The following LRP1B variants were observed in gnomAD, a reference collection of about 807,000 sequenced individuals.
LRP1B encodes LDL receptor related protein 1B.
A neutral mutation model predicts 556.6 loss-of-function variants in LRP1B; 217 were observed. That is an observed-to-expected ratio of 0.39 (90% confidence interval 0.35 to 0.44). The LOEUF is 0.44. Ranked by LOEUF, LRP1B falls within the 20% of genes least tolerant of loss-of-function variation. The pLI is 1.00. For synonymous variants in LRP1B, 2,047 were observed against 1,865.8 expected, an observed-to-expected ratio of 1.10 and a Z score of -2.50; for missense variants, 5,053 against 5,620.8, an observed-to-expected ratio of 0.90 and a Z score of 3.23.
intron 1 of LRP1B, among the ~76,000 whole-genome samples, chr2:141,904,221 C>T (rs921226159): frequency 6.6e-6 from 1 of 151,834 alleles, no homozygotes; most frequent in African/African-American, 2.4e-5. Flanking sequence ...ACAGGGAGAA[C>T]AGTTGGGAGG....
chr2:141,126,037 A>ATTTTT (rs61318987), intron 7 of LRP1B, among the ~76,000 whole-genome samples: 5 of 144,510 alleles, frequency 3.5e-5, no homozygotes, highest in African/African-American at 1.3e-4. Context: ...TCTTCCTTTT[A>ATTTTT]TTTTTTTTTT....
intron 1 of LRP1B, among the ~76,000 whole-genome samples, chr2:141,977,086 C>T (rs777923220): frequency 2.6e-5 from 4 of 152,016 alleles, no homozygotes; most frequent in African/African-American, 7.2e-5. Flanking sequence ...CACGTAGTTT[C>T]CAAAAGTTCT....
intron 51 of LRP1B, among the ~76,000 whole-genome samples, chr2:140,512,043 T>C (rs2104924343): frequency 6.6e-6 from 1 of 152,350 alleles, no homozygotes; most frequent in Admixed American, 6.5e-5. Context: ...AAGGAAGTTT[T>C]GATAAATGTA....
At chr2:141,194,561 TA>T (rs1435733904) in intron 6 of LRP1B, among the ~76,000 whole-genome samples, 3 of 152,160 alleles carry the variant, frequency 2.0e-5, no homozygotes, top group Non-Finnish European at 4.4e-5. Flanking sequence ...TTTAATGTTA[TA>T]AACTAATTTT....
At chr2:140,849,403 CAAAATCCAAAAAAA>C (rs199675775) in intron 29 of LRP1B, among the ~76,000 whole-genome samples, 80,572 of 121,378 alleles carry the variant, frequency 0.66, 23,366 homozygotes, top group Middle Eastern at 0.75. Flanking sequence ...AAACAAAAAA[CAAAATCCAAAAAAA>C]AAAAAACAGG....
Position 140,982,229 on chromosome 2 carries a change from T to C in LRP1B, c.2818A>G (p.Ile940Val), listed in dbSNP as rs758464933. The C allele has an allele frequency of 1.2e-6, 2 of 1,613,394 alleles. No homozygotes were observed. Among genetic ancestry groups the C allele is most frequent in the Non-Finnish European group, 1.7e-6 (2 of 1,179,574 alleles). Residue 940 changes from isoleucine to valine, a missense_variant, in exon 18 of 91, where the codon ATT (isoleucine) becomes GTT (valine). Physicochemically the swap from Ile to Val is conservative, Grantham distance 29. This residue lies in a region of LRP1B where 3,619 missense variants were observed against 3,931.9 expected (regional missense o/e 0.92). Coordinates refer to ENST00000389484, the MANE Select transcript of LRP1B (RefSeq NM_018557.3). ...DQFSCGNGRC[I>V]PRAWLCDRED... is the part of the protein sequence containing the mutation. ...CTGTCACACAGCCATGCTCTGGGAA[T>C]GCAACGCCCATTTCCGCAAGAAAAC...
intron 84 of LRP1B, among the ~76,000 whole-genome samples, chr2:140,288,827 A>G (rs943615399): frequency 1.3e-5 from 2 of 151,798 alleles, no homozygotes; most frequent in African/African-American, 4.8e-5. Flanking sequence ...TCAACCTACA[A>G]CTAAGTGACT....
intron 18 of LRP1B, among the ~76,000 whole-genome samples, chr2:140,955,982 T>G (rs896875346): frequency 6.6e-6 from 1 of 151,730 alleles, no homozygotes; most frequent in Non-Finnish European, 1.5e-5. Context: ...ATAGATAAAT[T>G]TATCCTTCAA....
intron 2 of LRP1B, among the ~76,000 whole-genome samples, chr2:141,764,267 G>A (rs1289862843): frequency 1.3e-5 from 2 of 151,896 alleles, no homozygotes; most frequent in Non-Finnish European, 2.9e-5. Flanking sequence ...TGCAAGCTCC[G>A]CCTCCCGGGT....
At chr2:141,385,608 TA>T (rs70991158) in intron 3 of LRP1B, among the ~76,000 whole-genome samples, 149,428 of 150,938 alleles carry the variant, frequency 0.99, 73,971 homozygotes, top group Non-Finnish European at 1. Flanking sequence ...ACTTCTAAGA[TA>T]AAAAAAAAAA....
chr2:141,964,743 A>G (rs1701506025), intron 1 of LRP1B, among the ~76,000 whole-genome samples: 1 of 151,898 alleles, frequency 6.6e-6, no homozygotes, highest in African/African-American at 2.4e-5. Flanking sequence ...AAATTGACAA[A>G]TGGGATCTAA....
At chr2:141,043,952 G>T (rs370961532) in intron 11 of LRP1B, among the ~76,000 whole-genome samples, 1 of 151,836 alleles carries the variant, frequency 6.6e-6, no homozygotes, top group Admixed American at 6.6e-5. Flanking sequence ...AAAAGAGCTC[G>T]CATCACCAAG....
At chr2:141,595,282 A>G (rs1490453487) in intron 2 of LRP1B, among the ~76,000 whole-genome samples, 6 of 152,094 alleles carry the variant, frequency 3.9e-5, no homozygotes, top group South Asian at 2.1e-4. Context: ...CTGGGTCATG[A>G]TGTGAAATAT....
At chr2:141,884,714 T>A (rs1449532223) in intron 1 of LRP1B, among the ~76,000 whole-genome samples, 1 of 152,202 alleles carries the variant, frequency 6.6e-6, no homozygotes, top group Non-Finnish European at 1.5e-5. Flanking sequence ...TAGCTAAAAG[T>A]CACTATGAAT....
At chr2:141,829,844 C>A (rs1697056245) in intron 1 of LRP1B, among the ~76,000 whole-genome samples, 1 of 151,850 alleles carries the variant, frequency 6.6e-6, no homozygotes. Flanking sequence ...TATTATGCCT[C>A]AACTAAATAT....
intron 1 of LRP1B, among the ~76,000 whole-genome samples, chr2:142,076,910 A>C (rs1705521465): frequency 6.6e-6 from 1 of 152,134 alleles, no homozygotes; most frequent in Non-Finnish European, 1.5e-5. Flanking sequence ...GCATGTTCAT[A>C]TGACATCATT....
At chr2:140,310,527 A>C (rs953900860) in intron 83 of LRP1B, among the ~76,000 whole-genome samples, 1 of 151,852 alleles carries the variant, frequency 6.6e-6, no homozygotes, top group Non-Finnish European at 1.5e-5. Context: ...CCAAAAGAGC[A>C]TGGTTCTGGT....
intron 60 of LRP1B, among the ~76,000 whole-genome samples, chr2:140,470,045 G>A (rs1687699657): frequency 6.6e-6 from 1 of 152,148 alleles, no homozygotes; most frequent in South Asian, 2.1e-4. Flanking sequence ...GATGACCCCT[G>A]TTCTTGGAAT....
At chr2:141,102,818 T>G (rs4954882) in intron 7 of LRP1B, among the ~76,000 whole-genome samples, 3,833 of 151,966 alleles carry the variant, frequency 0.025, 135 homozygotes, top group East Asian at 0.14. Context: ...CCCAGTTCAG[T>G]TTTTCTTGAG....
Sources: gnomAD v4.1 joint callset for allele counts (sites outside exome capture counted in the v4.1 genomes callset) on GRCh38, gnomAD v4.1.1 for gene constraint, gnomAD v4.1.1 regional missense constraint, MANE v1.5 for transcripts, NCBI Gene and HGNC (gene_info 2026-07-23, HGNC 2026-07-21) for gene names.